The following NAT2 variants were observed in gnomAD, a reference collection of about 807,000 sequenced individuals.
NAT2 encodes N-acetyltransferase 2, also known as arylamine N-acetyltransferase 2.
For missense variants in NAT2, 428 were observed against 339.1 expected, an observed-to-expected ratio of 1.26 and a Z score of -2.06; for synonymous variants, 137 against 125.9, an observed-to-expected ratio of 1.09 and a Z score of -0.59.
chr8:18,388,913 T>G (rs1800551989), upstream of NAT2, among the ~76,000 whole-genome samples: 1 of 152,156 alleles, frequency 6.6e-6, no homozygotes, highest in Non-Finnish European at 1.5e-5. Flanking sequence ...GAAGTCAAAT[T>G]TTGGTTTGAA....
chr8:18,389,912 G>T (rs191951125), upstream of NAT2, among the ~76,000 whole-genome samples: 1 of 152,160 alleles, frequency 6.6e-6, no homozygotes, highest in Admixed American at 6.5e-5. Context: ...TTTAGGAGAT[G>T]ATTTAAGGAA....
Position 18,400,591 on chromosome 8 carries a change from T to G in NAT2, c.588T>G (p.Pro196=). The G allele has an allele frequency of 1.2e-6, 2 of 1,613,326 alleles. No homozygotes were observed. The highest frequency in any genetic ancestry group is 1.7e-6 in the Non-Finnish European group (2 of 1,179,848). The change falls in exon 2 of 2, where the codon CCT becomes CCG. Residue 196 remains proline, a synonymous_variant. Coordinates refer to ENST00000286479, the MANE Select transcript of NAT2 (RefSeq NM_000015.3). ...AAATATACTTATTTACGCTTGAACC[T>G]CGAACAATTGAAGATTTTGAGTCTA... is the stretch of plus-strand genomic sequence containing the variant. ...HQKIYLFTLE[P]RTIEDFESMN...
At chr8:18,398,257 T>G (rs1800725514) in intron 1 of NAT2, among the ~76,000 whole-genome samples, 1 of 152,212 alleles carries the variant, frequency 6.6e-6, no homozygotes, top group African/African-American at 2.4e-5. Context: ...TCTGTCTAGA[T>G]TCCTCTTGAC....
chr8:18,391,450 T>G (rs1168970754), intron 1 of NAT2, 105 bp downstream of exon 1: 1 of 151,894 alleles, frequency 6.6e-6, no homozygotes, highest in Non-Finnish European at 1.5e-5. Flanking sequence ...CCTCTTGTCC[T>G]AGGCGACCCC....
intron 1 of NAT2, among the ~76,000 whole-genome samples, chr8:18,398,059 T>C (rs760809147): frequency 2.6e-5 from 4 of 152,214 alleles, no homozygotes; most frequent in Non-Finnish European, 4.4e-5. Flanking sequence ...GATAGATCAG[T>C]TGAAGAGAAG....
intron 1 of NAT2, among the ~76,000 whole-genome samples, chr8:18,392,445 A>C (rs1262621281): frequency 3.3e-5 from 5 of 152,194 alleles, no homozygotes; most frequent in Non-Finnish European, 5.9e-5. Flanking sequence ...GAGGGCAGGA[A>C]GCATCCAGCA....
chr8:18,393,948 GCA>G (rs1800637074), intron 1 of NAT2, among the ~76,000 whole-genome samples: 1 of 152,214 alleles, frequency 6.6e-6, no homozygotes, highest in Non-Finnish European at 1.5e-5. Context: ...ATAGTTTCAT[GCA>G]CATCCGTGTG....
rs753856548 is a variant in NAT2 at position 18,400,523 on chromosome 8, G to T, written c.520G>T (p.Glu174Ter). The T allele has an allele frequency of 3.1e-6, 5 of 1,613,048 alleles. No homozygotes were observed. Among genetic ancestry groups the T allele is most frequent in the East Asian group, 4.5e-5 (2 of 44,854 alleles). Residue 174 changes from glutamate to a stop codon, truncating the protein, a stop_gained, in exon 2 of 2, where the codon GAA becomes TAA. Transcript: ENST00000286479. LOFTEE classifies it low-confidence loss of function (END_TRUNC). ...IRREQYITNK[E>*]FLNSHLLPKK... ...GAGAGAGCAGTATATTACAAACAAAGAATTTCTTAATTCTCATCTCCTGCC... is the reference window on the plus strand; with the variant it reads ...GAGAGAGCAGTATATTACAAACAAATAATTTCTTAATTCTCATCTCCTGCC...
chr8:18,391,750 TA>T (rs1359228353), intron 1 of NAT2, among the ~76,000 whole-genome samples: 1 of 152,216 alleles, frequency 6.6e-6, no homozygotes, highest in Non-Finnish European at 1.5e-5. Flanking sequence ...AACCATCTTT[TA>T]TGGGGAAATT....
chr8:18,400,122 T>C lies in NAT2; in HGVS notation c.119T>C (p.Leu40Pro), dbSNP rs1800762369. The change falls in exon 2 of 2, where the codon CTT (leucine) becomes CCT (proline). Residue 40 changes from leucine to proline, a missense_variant. Transcript: ENST00000286479. ...ATCCGGGCTGTTCCCTTTGAGAACC[T>C]TAACATGCATTGTGGGCAAGCCATG... The part of the protein sequence containing the change: ...HQIRAVPFEN[L>P]NMHCGQAMEL... 6.2e-7 allele frequency: 1 copy of C among 1,614,068 alleles called. No individual in the cohort carries two copies. Among genetic ancestry groups the C allele is most frequent in the East Asian group, 2.2e-5 (1 of 44,874 alleles).
intron 1 of NAT2, among the ~76,000 whole-genome samples, chr8:18,393,510 T>C (rs764082546): frequency 1.3e-4 from 20 of 152,166 alleles, no homozygotes; most frequent in Admixed American, 8.5e-4. Context: ...GTAGTCTATA[T>C]ATCTAGAAAA....
At chr8:18,396,302 CT>C (rs1167838388) in intron 1 of NAT2, among the ~76,000 whole-genome samples, 1 of 152,138 alleles carries the variant, frequency 6.6e-6, no homozygotes, top group Non-Finnish European at 1.5e-5. Flanking sequence ...TAAATAATCC[CT>C]TTCAAATTTT....
At chr8:18,391,507 T>C (rs1265776908) in intron 1 of NAT2, among the ~76,000 whole-genome samples, 162 bp downstream of exon 1, 3 of 140,970 alleles carry the variant, frequency 2.1e-5, no homozygotes, top group African/African-American at 8.1e-5. Context: ...GAAAGGGAGG[T>C]CAGACACGCC....
At chr8:18,399,961 G>A (rs1280192787) in intron 1 of NAT2, 37 bp from the exon 2 acceptor site, 1 of 1,522,462 alleles carries the variant, frequency 6.6e-7, no homozygotes, top group Non-Finnish European at 8.8e-7. Flanking sequence ...AAATGCTAAA[G>A]TATGATATGT....
chr8:18,394,190 GA>G (rs1472812566), intron 1 of NAT2, among the ~76,000 whole-genome samples: 2 of 152,204 alleles, frequency 1.3e-5, no homozygotes, highest in Non-Finnish European at 2.9e-5. Context: ...GATGAGCCAG[GA>G]GAAGGAATTT....
rs190058038 is a variant in NAT2 at position 18,397,822 on chromosome 8, C to G, written c.-6-2176C>G. ...TAGCCTTTTCTTCATTTGAGAATAGCTGAGATCTTAACTCTCTCTTTCAAC... is the reference window on the plus strand; with the variant it reads ...TAGCCTTTTCTTCATTTGAGAATAGGTGAGATCTTAACTCTCTCTTTCAAC... On this transcript the variant is annotated intron_variant, in intron 1 of 1. Transcript: ENST00000286479. Among the ~76,000 whole-genome samples, 26 of 152,240 alleles carry G rather than the reference C, an allele frequency of 1.7e-4. No individual in the cohort carries two copies. In the East Asian group the frequency reaches 5.0e-3, roughly 29 times the overall value.
rs2117623013 is a variant in NAT2 at position 18,400,598 on chromosome 8, A to G, written c.595A>G (p.Ile199Val). 6.2e-7 allele frequency: 1 copy of G among 1,613,462 alleles called. No individual in the cohort carries two copies. Among genetic ancestry groups the G allele is most frequent in the Non-Finnish European group, 8.5e-7 (1 of 1,179,866 alleles). ...CTTATTTACGCTTGAACCTCGAACA[A>G]TTGAAGATTTTGAGTCTATGAATAC... ...IYLFTLEPRT[I>V]EDFESMNTYL... The change falls in exon 2 of 2, where the codon ATT (isoleucine) becomes GTT (valine). Residue 199 changes from isoleucine (I) to valine (V), a missense_variant. Physicochemically the swap from Ile to Val is conservative, Grantham distance 29. Coordinates refer to ENST00000286479, the MANE Select transcript of NAT2 (RefSeq NM_000015.3).
upstream of NAT2, among the ~76,000 whole-genome samples, chr8:18,388,792 C>T (rs1413105088): frequency 6.6e-6 from 1 of 152,212 alleles, no homozygotes; most frequent in African/African-American, 2.4e-5. Context: ...TATGGTATCA[C>T]TGTTGTTGCC....
At chr8:18,394,719 C>A (rs570060566) in intron 1 of NAT2, among the ~76,000 whole-genome samples, 33 of 152,264 alleles carry the variant, frequency 2.2e-4, no homozygotes, top group Middle Eastern at 6.8e-3. Flanking sequence ...CCAGTTTTAT[C>A]CACAGGGCTA....
Sources: gnomAD v4.1 joint callset for allele counts (sites outside exome capture counted in the v4.1 genomes callset) on GRCh38, gnomAD v4.1.1 for gene constraint, MANE v1.5 for transcripts, NCBI Gene and HGNC (gene_info 2026-07-23, HGNC 2026-07-21) for gene names.